Variants in DIAPH3 observed in about 807,000 individuals in gnomAD.
DIAPH3 encodes the protein protein diaphanous homolog 3.
A neutral mutation model predicts 144.3 loss-of-function variants in DIAPH3; 117 were observed. The ratio of observed to expected loss-of-function variants is 0.81; its 90% CI spans 0.70 to 0.95. The LOEUF is 0.95. Among genes scored for constraint, DIAPH3 ranks in the 40% least tolerant of loss-of-function variants. DIAPH3 has a pLI of 0.00. For synonymous variants in DIAPH3, 519 were observed against 488.9 expected (o/e 1.06, Z -0.81); for missense variants, 1,421 against 1,412.7 (o/e 1.01, Z -0.09).
chr13:60,010,509 G>A lies in DIAPH3; in HGVS notation c.908+24C>T, dbSNP rs961700661. 1.9e-6 allele frequency: 3 copies of A among 1,546,714 alleles called. No individual in the cohort carries two copies. The African/African-American group carries it at 4.1e-5, about 21-fold the overall frequency. ...TCTGTATTAAATTATTATATAATTA[G>A]GGGAATATGTTGATAACACTTACAT... On this transcript the variant is annotated intron_variant, in intron 8 of 27. Transcript: ENST00000400324.
intron 2 of DIAPH3, among the ~76,000 whole-genome samples, chr13:60,121,072 A>C (rs1052209668): frequency 5.3e-5 from 8 of 152,220 alleles, no homozygotes; most frequent in African/African-American, 1.9e-4. Context: ...CTATTGCATT[A>C]AATAACAAAG....
chr13:59,831,074 A>G (rs1351205710), intron 24 of DIAPH3, among the ~76,000 whole-genome samples: 1 of 151,864 alleles, frequency 6.6e-6, no homozygotes, highest in Non-Finnish European at 1.5e-5. Flanking sequence ...ACTGAGCTGG[A>G]TATGTTCCTT....
chr13:60,060,654 T>C (rs967946430), intron 4 of DIAPH3, among the ~76,000 whole-genome samples: 5 of 152,138 alleles, frequency 3.3e-5, no homozygotes, highest in Non-Finnish European at 7.4e-5. Context: ...GATTGTCTCA[T>C]ACGCCTTTTA....
At chr13:59,901,567 TA>T (rs1395734098) in intron 20 of DIAPH3, among the ~76,000 whole-genome samples, 1 of 152,198 alleles carries the variant, frequency 6.6e-6, no homozygotes, top group Non-Finnish European at 1.5e-5. Flanking sequence ...TATTTATGCA[TA>T]TATTGCTACC....
chr13:60,049,574 G>C (rs1056930664), intron 4 of DIAPH3, among the ~76,000 whole-genome samples: 18 of 152,286 alleles, frequency 1.2e-4, no homozygotes, highest in Admixed American at 1.1e-3. Flanking sequence ...TCCCACAAAA[G>C]GCCTCTCGTG....
chr13:60,102,760 T>C (rs1192849928), intron 3 of DIAPH3, among the ~76,000 whole-genome samples: 1 of 151,870 alleles, frequency 6.6e-6, no homozygotes, highest in East Asian at 1.9e-4. Flanking sequence ...TAGAACAGAG[T>C]CAATATAACG....
intron 5 of DIAPH3, among the ~76,000 whole-genome samples, chr13:60,027,834 AT>A (rs1174675932): frequency 6.6e-6 from 1 of 152,198 alleles, no homozygotes; most frequent in Non-Finnish European, 1.5e-5. Flanking sequence ...TAAATTATTC[AT>A]TTTAAATATA....
At chr13:59,827,899 G>A (rs1344420252) in intron 24 of DIAPH3, among the ~76,000 whole-genome samples, 1 of 152,008 alleles carries the variant, frequency 6.6e-6, no homozygotes, top group Non-Finnish European at 1.5e-5. Context: ...GGATGAGGTT[G>A]CTCACAAGAT....
chr13:60,061,352 T>C (rs1285900804), intron 4 of DIAPH3, among the ~76,000 whole-genome samples: 5 of 151,904 alleles, frequency 3.3e-5, no homozygotes, highest in African/African-American at 1.2e-4. Flanking sequence ...CCATGGACAA[T>C]AGGATGGAAC....
intron 27 of DIAPH3, among the ~76,000 whole-genome samples, chr13:59,724,699 C>T (rs2035521762): frequency 1.3e-5 from 2 of 152,202 alleles, no homozygotes; most frequent in African/African-American, 4.8e-5. Flanking sequence ...CCGATTGCGT[C>T]AAATGAGCTG....
chr13:59,783,324 T>C (rs2038847207), intron 25 of DIAPH3, among the ~76,000 whole-genome samples: 1 of 152,188 alleles, frequency 6.6e-6, no homozygotes, highest in Non-Finnish European at 1.5e-5. Flanking sequence ...TGTATATATA[T>C]TGATATCATT....
chr13:59,879,011 C>T (rs2044819052), intron 21 of DIAPH3, among the ~76,000 whole-genome samples: 1 of 151,838 alleles, frequency 6.6e-6, no homozygotes. Flanking sequence ...AAATAAAATC[C>T]TTGAATTGGA....
Position 60,011,181 on chromosome 13 carries a change from A to G in DIAPH3, c.772-512T>C, listed in dbSNP as rs151319138. On this transcript the variant is annotated intron_variant, in intron 7 of 27. Coordinates refer to ENST00000400324, the MANE Select transcript of DIAPH3 (RefSeq NM_001042517.2). ...AACCACAAAACTAAACCAAATAAAG[A>G]TAACTCAAGGTGATCTTACAACAAT... Among the ~76,000 whole-genome samples, 345 of 152,330 alleles carry G rather than the reference A, an allele frequency of 2.3e-3. 2 individuals are homozygous for G. The highest frequency in any genetic ancestry group is 7.9e-3 in the African/African-American group (330 of 41,566).
chr13:60,136,904 C>A (rs1446409035), intron 1 of DIAPH3, among the ~76,000 whole-genome samples: 7 of 151,838 alleles, frequency 4.6e-5, no homozygotes, highest in African/African-American at 1.7e-4. Context: ...TGTGCCACTG[C>A]ACTCCAGCCT....
chr13:60,120,053 A>C (rs1566794232), intron 2 of DIAPH3, among the ~76,000 whole-genome samples: 1 of 152,230 alleles, frequency 6.6e-6, no homozygotes, highest in East Asian at 1.9e-4. Context: ...AAATGCCCCC[A>C]AGAAAATAAG....
intron 4 of DIAPH3, among the ~76,000 whole-genome samples, chr13:60,078,242 C>T (rs548420415): frequency 6.6e-6 from 1 of 152,210 alleles, no homozygotes; most frequent in Admixed American, 6.6e-5. Flanking sequence ...TCACTCAGTG[C>T]CCTCAACTAC....
chr13:60,076,133 C>T (rs1234519536), intron 4 of DIAPH3, among the ~76,000 whole-genome samples: 3 of 152,192 alleles, frequency 2.0e-5, no homozygotes, highest in Non-Finnish European at 2.9e-5. Flanking sequence ...TGCTCTGCCA[C>T]CAAAGCAGCT....
intron 25 of DIAPH3, among the ~76,000 whole-genome samples, chr13:59,787,816 G>A (rs1294488366): frequency 6.6e-6 from 1 of 152,178 alleles, no homozygotes; most frequent in Non-Finnish European, 1.5e-5. Context: ...TTAGGAGAAA[G>A]GGCTTTGGGA....
intron 17 of DIAPH3, among the ~76,000 whole-genome samples, chr13:59,969,664 C>T (rs2050246327): frequency 6.6e-6 from 1 of 152,048 alleles, no homozygotes; most frequent in African/African-American, 2.4e-5. Context: ...CAGAAAATAT[C>T]CTCTTTTACA....
Sources: allele counts gnomAD v4.1 joint callset (sites outside exome capture counted in the v4.1 genomes callset), GRCh38; gene constraint gnomAD v4.1.1; transcripts MANE v1.5; gene names NCBI Gene and HGNC (gene_info 2026-07-23, HGNC 2026-07-21).